KSR2: variants seen among roughly 807,000 people sequenced by gnomAD.
KSR2 encodes kinase suppressor of ras 2.
In KSR2, 25 loss-of-function variants were observed where a neutral mutation model predicts 107.8. That is an observed-to-expected ratio of 0.23 (90% CI 0.17 to 0.32). KSR2 has a LOEUF of 0.32. Ranked by LOEUF, KSR2 falls within the 10% of genes least tolerant of loss-of-function variation. KSR2 has a pLI of 1.00. For synonymous variants in KSR2, 480 were observed against 507.0 expected, an observed-to-expected ratio of 0.95 and a Z score of 0.71; for missense variants, 887 against 1,268.9, an observed-to-expected ratio of 0.70 and a Z score of 4.57.
intron 7 of KSR2, among the ~76,000 whole-genome samples, chr12:117,573,565 T>A (rs1879047811): frequency 1.3e-5 from 2 of 148,262 alleles, no homozygotes; most frequent in South Asian, 4.4e-4. Flanking sequence ...TCTCACTCTG[T>A]CACCCAGGCT....
intron 7 of KSR2, among the ~76,000 whole-genome samples, chr12:117,571,115 G>A (rs984654439): frequency 2.6e-5 from 4 of 152,062 alleles, no homozygotes; most frequent in Admixed American, 1.3e-4. Context: ...AAAATTAGCC[G>A]GACATGGTGG....
intron 4 of KSR2, among the ~76,000 whole-genome samples, chr12:117,682,893 T>A (rs12817262): frequency 1.3e-3 from 204 of 152,030 alleles, no homozygotes; most frequent in Non-Finnish European, 2.5e-3. Flanking sequence ...GTGGAGGTCA[T>A]GAGGTTGGAG....
chr12:117,662,940 T>G (rs2136470194), intron 5 of KSR2, among the ~76,000 whole-genome samples: 1 of 152,342 alleles, frequency 6.6e-6, no homozygotes, highest in Non-Finnish European at 1.5e-5. Flanking sequence ...TTTTGGCTAC[T>G]TTCTGCAACT....
intron 1 of KSR2, among the ~76,000 whole-genome samples, chr12:117,943,431 C>G (rs1014169921): frequency 2.7e-5 from 4 of 147,840 alleles, no homozygotes; most frequent in Non-Finnish European, 5.9e-5. Context: ...AACTGTGCAC[C>G]AGCCTGAACC....
At chr12:117,780,978 C>T (rs544924072) in intron 3 of KSR2, among the ~76,000 whole-genome samples, 238 of 152,188 alleles carry the variant, frequency 1.6e-3, no homozygotes, top group African/African-American at 5.4e-3. Flanking sequence ...TGGCTGTGAC[C>T]CCACCCAAAT....
chr12:117,616,171 A>C (rs112407664), intron 5 of KSR2, among the ~76,000 whole-genome samples: 3 of 150,506 alleles, frequency 2.0e-5, no homozygotes, highest in East Asian at 2.0e-4. Context: ...GAAAAAAAAA[A>C]AAAACAGATT....
intron 7 of KSR2, among the ~76,000 whole-genome samples, chr12:117,564,913 TTGTTTGTGAAATGCAA>T (rs1184757763): frequency 2.0e-5 from 3 of 152,232 alleles, no homozygotes; most frequent in Non-Finnish European, 4.4e-5. Flanking sequence ...GTATCCCTCT[TTGTTTGTGAAATGCAA>T]TGATGCCCCC....
intron 3 of KSR2, among the ~76,000 whole-genome samples, chr12:117,852,703 A>G (rs545852577): frequency 8.5e-5 from 13 of 152,342 alleles, no homozygotes; most frequent in African/African-American, 3.1e-4. Context: ...ACCTAACCTC[A>G]AACGCTCACT....
intron 14 of KSR2, among the ~76,000 whole-genome samples, chr12:117,496,779 A>G (rs950941157): frequency 6.6e-6 from 1 of 151,864 alleles, no homozygotes; most frequent in African/African-American, 2.4e-5. Context: ...CTCTTTTTGT[A>G]AAAAAAACAA....
intron 4 of KSR2, among the ~76,000 whole-genome samples, chr12:117,675,138 G>A (rs1255993685): frequency 6.6e-6 from 1 of 152,200 alleles, no homozygotes; most frequent in Non-Finnish European, 1.5e-5. Flanking sequence ...TTCTTAGAAT[G>A]CATCCCAGCT....
intron 4 of KSR2, among the ~76,000 whole-genome samples, chr12:117,718,089 TTTAAG>T (rs1887067075): frequency 6.6e-6 from 1 of 152,166 alleles, no homozygotes; most frequent in Non-Finnish European, 1.5e-5. Context: ...GAGAAGCCAG[TTTAAG>T]TTGAGATTTA....
At chr12:117,555,335 T>TC in intron 8 of KSR2, 42 bp from the exon 9 acceptor site, 1 of 1,610,338 alleles carries the variant, frequency 6.2e-7, no homozygotes, top group Non-Finnish European at 8.5e-7. Flanking sequence ...TAAGTATCAC[T>TC]TTGTCTTTGG....
chr12:117,677,966 G>T (rs141020157), intron 4 of KSR2, among the ~76,000 whole-genome samples: 8 of 151,992 alleles, frequency 5.3e-5, no homozygotes, highest in African/African-American at 1.9e-4. Context: ...ACAGAGTCTC[G>T]CTCTGTTGAC....
At chr12:117,527,280 GAC>G (rs59836858) in intron 12 of KSR2, among the ~76,000 whole-genome samples, 161 bp from the exon 13 acceptor site, 4,703 of 124,024 alleles carry the variant, frequency 0.038, 232 homozygotes, top group African/African-American at 0.14. Context: ...CCATAACCTC[GAC>G]ACACACACAC....
chr12:117,865,049 G>A (rs561822416), intron 1 of KSR2, among the ~76,000 whole-genome samples: 6 of 151,502 alleles, frequency 4.0e-5, no homozygotes, highest in South Asian at 2.1e-4. Context: ...GTGACAGAAC[G>A]AGACTCCATC....
intron 14 of KSR2, among the ~76,000 whole-genome samples, chr12:117,507,928 C>T (rs893824994): frequency 6.6e-6 from 1 of 152,100 alleles, no homozygotes; most frequent in Non-Finnish European, 1.5e-5. Flanking sequence ...GTGGCCCAAG[C>T]CTATCCTTTT....
At chr12:117,605,334 C>T (rs984206922) in intron 5 of KSR2, among the ~76,000 whole-genome samples, 5 of 152,330 alleles carry the variant, frequency 3.3e-5, no homozygotes, top group African/African-American at 1.2e-4. Context: ...GAATGTCCAA[C>T]CTCAACAGGA....
chr12:117,515,239 T>C (rs1313622655), intron 14 of KSR2, among the ~76,000 whole-genome samples: 3 of 152,342 alleles, frequency 2.0e-5, no homozygotes, highest in African/African-American at 7.2e-5. Context: ...CATCACATAC[T>C]TGGCATCTCT....
chr12:117,768,445 A>C (rs1049474779), intron 3 of KSR2, among the ~76,000 whole-genome samples: 1 of 151,948 alleles, frequency 6.6e-6, no homozygotes, highest in Non-Finnish European at 1.5e-5. Context: ...TATACCTGCC[A>C]CTCCTGTCCA....
Sources: allele counts gnomAD v4.1 joint callset (sites outside exome capture counted in the v4.1 genomes callset), GRCh38; gene constraint gnomAD v4.1.1; transcripts MANE v1.5; gene names NCBI Gene and HGNC (gene_info 2026-07-23, HGNC 2026-07-21).